DNAH9: variants seen among roughly 807,000 people sequenced by gnomAD.
DNAH9 encodes the protein dynein axonemal heavy chain 9, also known as DNAH9 variant protein.
Under a neutral mutation model 471.6 loss-of-function variants are expected in DNAH9, and 345 were observed. The observed-to-expected ratio is 0.73, with a 90% CI of 0.67 to 0.80. The LOEUF (loss-of-function observed/expected upper bound fraction) is 0.80, where lower values mean the gene tolerates loss of function less well. DNAH9 is among the 30% of genes least tolerant of loss of function. DNAH9 has a pLI of 0.00. For synonymous variants in DNAH9, 2,093 were observed against 2,123.6 expected, an observed-to-expected ratio of 0.99 and a Z score of 0.40; for missense variants, 5,407 against 5,609.2, an observed-to-expected ratio of 0.96 and a Z score of 1.15.
Position 11,942,375 on chromosome 17 carries a change from G to T in DNAH9, c.12733G>T (p.Val4245Leu). The T allele has an allele frequency of 6.2e-7, 1 of 1,614,226 alleles. No homozygotes were observed. Among genetic ancestry groups the T allele is most frequent in the Non-Finnish European group, 8.5e-7 (1 of 1,180,034 alleles). ...TAACATCCCAGAACTGATGGCCAAA[G>T]TGGAGGAGCGCACCCCTTACATTGT... Reference protein sequence around the residue: ...EFNIPELMAKVEERTPYIVVA... With the variant: ...EFNIPELMAKLEERTPYIVVA... The change falls in exon 67 of 69, where the codon GTG becomes TTG. Residue 4245 changes from valine (V) to leucine (L), a missense_variant. This residue lies in a region of DNAH9 where 4,636 missense variants were observed against 4,900.3 expected (regional missense o/e 0.95). Coordinates refer to ENST00000262442, the MANE Select transcript of DNAH9 (RefSeq NM_001372.4).
At position 11,689,565 on chromosome 17, in the gene DNAH9, G is replaced by A; in HGVS notation, c.3744-1G>A. 1 of 1,608,598 alleles carries A rather than the reference G, an allele frequency of 6.2e-7. No homozygotes were observed. Among genetic ancestry groups the A allele is most frequent in the Non-Finnish European group, 8.5e-7 (1 of 1,177,416 alleles). ...ACAAAGGAACACACTGTGTTTTGTA[G>A]GTTTGATAGCATCCACCCTCATCAA... On this transcript the variant is annotated splice_acceptor_variant, in intron 19 of 68. Coordinates refer to ENST00000262442, the MANE Select transcript of DNAH9 (RefSeq NM_001372.4). LOFTEE classifies it high-confidence loss of function.
intron 38 of DNAH9, among the ~76,000 whole-genome samples, chr17:11,778,139 A>G (rs1242908011): frequency 6.6e-6 from 1 of 151,764 alleles, no homozygotes; most frequent in Non-Finnish European, 1.5e-5. Flanking sequence ...GGCATTTGGA[A>G]GAAGAGGATT....
chr17:11,609,384 C>T (rs1341110140), intron 2 of DNAH9, among the ~76,000 whole-genome samples: 2 of 152,126 alleles, frequency 1.3e-5, no homozygotes, highest in Non-Finnish European at 2.9e-5. Context: ...CTTTTCTAGT[C>T]CCTTTATATT....
chr17:11,611,584 G>T, intron 3 of DNAH9, 66 bp from the exon 4 acceptor site: 2 of 1,510,168 alleles, frequency 1.3e-6, no homozygotes, highest in Non-Finnish European at 1.8e-6. Flanking sequence ...GTGACGATGG[G>T]TCATCACAGT....
At chr17:11,838,788 A>T (rs188732782) in intron 49 of DNAH9, among the ~76,000 whole-genome samples, 2 of 152,324 alleles carry the variant, frequency 1.3e-5, no homozygotes, top group Admixed American at 1.3e-4. Flanking sequence ...AGAGTGGTCC[A>T]TAGTACACCA....
rs188473732 is a variant in DNAH9 at position 11,783,773 on chromosome 17, G to A, written c.7821+25G>A. 49 of 1,592,338 alleles carry A rather than the reference G, an allele frequency of 3.1e-5. No individual in the cohort carries two copies. The African/African-American group carries it at 5.4e-4, about 17-fold the overall frequency. On this transcript the variant is annotated intron_variant, in intron 40 of 68. Coordinates refer to ENST00000262442, the MANE Select transcript of DNAH9 (RefSeq NM_001372.4). ...GGTACAGGAGGAGCCATGGGACCTG[G>A]GTCCTAATCCTATCTTACTAGAGCT...
At chr17:11,685,600 G>A (rs1035426019) in intron 19 of DNAH9, among the ~76,000 whole-genome samples, 1 of 152,094 alleles carries the variant, frequency 6.6e-6, no homozygotes, top group Non-Finnish European at 1.5e-5. Flanking sequence ...TGAGGGAGAG[G>A]GGAAAATAGA....
At position 11,719,321 on chromosome 17, in the gene DNAH9, C is replaced by A; in HGVS notation, c.5553-13C>A. On this transcript the variant is annotated splice_polypyrimidine_tract_variant and intron_variant, in intron 26 of 68. Transcript: ENST00000262442. ...CCCAAGAATGATGACCTATGCCCTC[C>A]CGTGTTTGGCAGGTGCTACATCACC... 1 of 1,613,200 alleles carries A rather than the reference C, an allele frequency of 6.2e-7. No homozygotes were observed.
chr17:11,771,788 CTAA>C lies in DNAH9; in HGVS notation c.7552+2474_7552+2476del, dbSNP rs947500217. On this transcript the variant is annotated intron_variant, in intron 38 of 68. Transcript: ENST00000262442. ...TACTGTTACAACTACACTACTACTA[CTAA>C]TAATAATAATAATAGCAACAACAAC... Among the ~76,000 whole-genome samples, 8 of 152,198 alleles carry C rather than the reference CTAA, an allele frequency of 5.3e-5. No individual in the cohort carries two copies. The East Asian group carries it at 5.8e-4, about 11-fold the overall frequency.
intron 57 of DNAH9, among the ~76,000 whole-genome samples, chr17:11,888,968 T>G (rs1303890148): frequency 1.3e-5 from 2 of 152,218 alleles, no homozygotes; most frequent in Non-Finnish European, 2.9e-5. Flanking sequence ...GTGTGTGTGT[T>G]TACACATGCA....
chr17:11,672,336 C>T (rs190087769), intron 17 of DNAH9, among the ~76,000 whole-genome samples: 56 of 152,306 alleles, frequency 3.7e-4, no homozygotes, highest in Middle Eastern at 6.8e-3. Context: ...CATCTTGTCT[C>T]ATCACCGTTT....
At chr17:11,945,689 TAC>T (rs1975091723) in intron 67 of DNAH9, among the ~76,000 whole-genome samples, 1 of 152,038 alleles carries the variant, frequency 6.6e-6, no homozygotes. Context: ...ACTTATTGGG[TAC>T]AGTGTTCACT....
intron 32 of DNAH9, 35 bp from the exon 33 acceptor site, chr17:11,752,798 G>A (rs1346798402): frequency 6.6e-7 from 1 of 1,510,640 alleles, no homozygotes; most frequent in East Asian, 2.3e-5. Context: ...GATTAATGAA[G>A]AAATGGAAAA....
Position 11,623,435 on chromosome 17 carries a change from C to T in DNAH9, c.1350+3654C>T, listed in dbSNP as rs1417295494. 1.3e-5 allele frequency among the ~76,000 whole-genome samples: 2 copies of T among 152,082 alleles called. No homozygotes were observed. The highest frequency in any genetic ancestry group is 2.1e-4 in the South Asian group (1 of 4,820). On this transcript the variant is annotated intron_variant, in intron 6 of 68. Transcript: ENST00000262442. The surrounding 1 kb of genome is among the most constrained non-coding windows in gnomAD (Gnocchi z 4.1). ...TCCATGTGTTTTCATCTTCCCACGGCTACTCCTTGCCCCTTTTCCTCATAT... is the reference window on the plus strand; with the variant it reads ...TCCATGTGTTTTCATCTTCCCACGGTTACTCCTTGCCCCTTTTCCTCATAT...
rs1976239449 is a variant in DNAH9 at position 11,962,041 on chromosome 17, A to G, written c.13018A>G (p.Met4340Val). 4 of 1,613,994 alleles carry G rather than the reference A, an allele frequency of 2.5e-6. No homozygotes were observed. The African/African-American group carries it at 4.0e-5, about 16-fold the overall frequency. Residue 4340 changes from methionine to valine, a missense_variant, in exon 68 of 69, where the codon ATG (methionine) becomes GTG (valine). Physicochemically the swap from Met to Val is conservative, Grantham distance 21. This residue lies in a region of DNAH9 where 4,636 missense variants were observed against 4,900.3 expected (regional missense o/e 0.95). Coordinates refer to ENST00000262442, the MANE Select transcript of DNAH9 (RefSeq NM_001372.4). The surrounding 1 kb of genome is among the most constrained non-coding windows in gnomAD (Gnocchi z 4.1). ...AGAGGCTTGGACGGGTGACTTTACA[A>G]TGCCCTCCACTGTGTGGCTGACAGG... ...ELEAWTGDFT[M>V]PSTVWLTGFF...
intron 5 of DNAH9, among the ~76,000 whole-genome samples, chr17:11,618,273 CCTTGAGGAGTGTAT>C (rs1258555807): frequency 1.3e-5 from 2 of 152,146 alleles, no homozygotes; most frequent in Admixed American, 6.5e-5. Flanking sequence ...GCAGCATAAA[CCTTGAGGAGTGTAT>C]CTTAAGAAAG....
At chr17:11,936,690 G>A (rs1341662857) in intron 65 of DNAH9, among the ~76,000 whole-genome samples, 2 of 152,130 alleles carry the variant, frequency 1.3e-5, no homozygotes, top group Non-Finnish European at 2.9e-5. Flanking sequence ...CTTAGCCGCT[G>A]GTTAGGATTT....
rs775434427 is a variant in DNAH9, at chr17:11,822,090, G to T, written c.8850+28G>T. The T allele has an allele frequency of 2.5e-6, 4 of 1,598,048 alleles. No individual in the cohort carries two copies. In the East Asian group the frequency reaches 8.9e-5, roughly 36 times the overall value. On this transcript the variant is annotated intron_variant, in intron 46 of 68. Coordinates refer to ENST00000262442, the MANE Select transcript of DNAH9 (RefSeq NM_001372.4). ...AAAGAGCATTTACTGACAGGGGCAG[G>T]CAGAGACCCGAGATGATTCATGGGA...
intron 53 of DNAH9, among the ~76,000 whole-genome samples, chr17:11,878,185 G>A (rs979010484): frequency 2.0e-5 from 3 of 152,164 alleles, no homozygotes; most frequent in African/African-American, 7.2e-5. Context: ...TGTCCCTAGT[G>A]TCTAAAACAC....
Sources: gnomAD v4.1 joint callset for allele counts (sites outside exome capture counted in the v4.1 genomes callset) on GRCh38, gnomAD v4.1.1 for gene constraint, gnomAD v4.1.1 regional missense constraint, Gnocchi (gnomAD v3.1) non-coding constraint, MANE v1.5 for transcripts, NCBI Gene and HGNC (gene_info 2026-07-23, HGNC 2026-07-21) for gene names.